The following LDB3 variants were observed in gnomAD, a reference collection of about 807,000 sequenced individuals.
The protein encoded by LDB3 is LIM domain-binding protein 3.
Under a neutral mutation model 69.0 loss-of-function variants are expected in LDB3, and 49 were observed. The observed-to-expected ratio is 0.71, with a 90% CI of 0.56 to 0.90. The LOEUF is 0.90. Ranked by LOEUF, LDB3 falls within the 40% of genes least tolerant of loss-of-function variation. LDB3 has a pLI of 0.00. For synonymous variants in LDB3, 387 were observed against 396.2 expected, an observed-to-expected ratio of 0.98 and a Z score of 0.28; for missense variants, 928 against 974.1, an observed-to-expected ratio of 0.95 and a Z score of 0.63.
At chr10:86,714,919 A>C (rs548017879) in intron 9 of LDB3, among the ~76,000 whole-genome samples, 1 of 152,130 alleles carries the variant, frequency 6.6e-6, no homozygotes, top group South Asian at 2.1e-4. Context: ...GGAGGGTTTT[A>C]TCTCTTCTTC....
At chr10:86,679,987 C>A in intron 3 of LDB3, 95 bp from the exon 4 acceptor site, 1 of 1,075,112 alleles carries the variant, frequency 9.3e-7, no homozygotes, top group Non-Finnish European at 1.4e-6. Context: ...CTGACTCTGG[C>A]TCTCTCTTGC....
intron 9 of LDB3, among the ~76,000 whole-genome samples, chr10:86,714,993 A>G (rs1846810540): frequency 6.6e-6 from 1 of 152,176 alleles, no homozygotes; most frequent in South Asian, 2.1e-4. Flanking sequence ...AGGGATTTCC[A>G]GCTCACCCAG....
In LDB3 at chr10:86,682,012, C is replaced by T. The variant is rs918449018; in HGVS notation, c.689+209C>T. On this transcript the variant is annotated intron_variant, in intron 5 of 13. Coordinates refer to ENST00000361373, the MANE Select transcript of LDB3 (RefSeq NM_007078.3). Reference sequence around the variant, plus strand: ...AACCAACCACGCTGGGGTGACATGTCGGATTTTGCAGAGGAGGAAACTGAG... The same window carrying T: ...AACCAACCACGCTGGGGTGACATGTTGGATTTTGCAGAGGAGGAAACTGAG... Among the ~76,000 whole-genome samples, 40 of 152,160 alleles carry T rather than the reference C, an allele frequency of 2.6e-4. 2 individuals carry two copies. Among genetic ancestry groups the T allele is most frequent in the Admixed American group, 1.9e-3 (29 of 15,286 alleles).
At position 86,699,804 on chromosome 10, in the gene LDB3, G is replaced by A; in HGVS notation, c.897-6727G>A. 1 of 1,038,394 alleles carries A rather than the reference G, an allele frequency of 9.6e-7. No individual in the cohort carries two copies. The highest frequency in any genetic ancestry group is 1.2e-6 in the Non-Finnish European group (1 of 861,712). 64.3% of individuals were successfully genotyped at this position (1,038,394 alleles called of 1,614,324 possible). A position where few individuals can be genotyped will look rare whatever the true frequency, so the allele number is the denominator to read the frequency against. On this transcript the variant is annotated intron_variant, in intron 7 of 13. Transcript: ENST00000361373. This position sits in a 1 kb window ranked among gnomAD's most constrained non-coding sequence, Gnocchi z 4.9. ...GAGTCACCCGTAGATCAGGGTCTGGGGAAGAGGCTGATCCCTGGCGCTGCC... is the reference window on the plus strand; with the variant it reads ...GAGTCACCCGTAGATCAGGGTCTGGAGAAGAGGCTGATCCCTGGCGCTGCC...
rs1847420434 is a variant in LDB3, at chr10:86,730,572, G to C, written c.2095-2315G>C. 2.0e-5 allele frequency among the ~76,000 whole-genome samples: 3 copies of C among 152,218 alleles called. 1 individual carries two copies. The highest frequency in any genetic ancestry group is 4.1e-4 in the South Asian group (2 of 4,832). Reference sequence around the variant, plus strand: ...ATGGGGTAGGGGAAAAATTAGCATAGAACTGGAGTCTTACAGACATGGACA... The same window carrying C: ...ATGGGGTAGGGGAAAAATTAGCATACAACTGGAGTCTTACAGACATGGACA... On this transcript the variant is annotated intron_variant, in intron 13 of 13. Transcript: ENST00000361373.
At chr10:86,716,244 C>A in intron 9 of LDB3, 83 bp from the exon 10 acceptor site, 1 of 1,516,572 alleles carries the variant, frequency 6.6e-7, no homozygotes. Flanking sequence ...TCACCTTTTG[C>A]ATTTCTCTGG....
In LDB3 at chr10:86,668,721, C is replaced by G. The variant is rs766817285; in HGVS notation, c.30C>G (p.Pro10=). The change falls in exon 2 of 14, where the codon CCC becomes CCG. Residue 10 remains proline (P), a synonymous_variant. Transcript: ENST00000361373. MSYSVTLTG[P]GPWGFRLQGG... is the part of the protein sequence containing the mutation. ...CTTACAGTGTGACCCTGACTGGGCC[C>G]GGGCCCTGGGGCTTCCGTCTGCAGG... The G allele has an allele frequency of 5.6e-6, 9 of 1,613,286 alleles. No homozygotes were observed. Among genetic ancestry groups the G allele is most frequent in the African/African-American group, 5.3e-5 (4 of 74,920 alleles).
chr10:86,695,684 A>C (rs1337289725), intron 7 of LDB3, among the ~76,000 whole-genome samples: 1 of 152,190 alleles, frequency 6.6e-6, no homozygotes, highest in Non-Finnish European at 1.5e-5. Context: ...CCATCCCACA[A>C]ACTGAGCCTC....
At chr10:86,669,928 AG>A (rs1191162034) in intron 2 of LDB3, among the ~76,000 whole-genome samples, 1 of 152,124 alleles carries the variant, frequency 6.6e-6, no homozygotes, top group Non-Finnish European at 1.5e-5. Flanking sequence ...AAGGGGTTGG[AG>A]GGGAAGCACT....
intron 13 of LDB3, among the ~76,000 whole-genome samples, chr10:86,729,187 C>T (rs1052687052): frequency 3.3e-5 from 5 of 152,102 alleles, no homozygotes; most frequent in East Asian, 1.9e-4. Flanking sequence ...TCTACCCTGA[C>T]GGAATCTAGA....
rs776138543 is a variant in LDB3 at position 86,716,393 on chromosome 10, C to T, written c.1298C>T (p.Pro433Leu). 6.4e-7 allele frequency: 1 copy of T among 1,551,090 alleles called. No homozygotes were observed. ...NYSPTPYTPS[P>L]APAYTPSPAP... ...AGTCCCACTCCCTACACCCCCTCCC[C>T]TGCCCCTGCCTACACCCCCTCCCCT... The change falls in exon 10 of 14, where the codon CCT becomes CTT. Residue 433 changes from proline (P) to leucine (L), a missense_variant. By Grantham distance (98) the Pro-to-Leu change is moderately conservative. Transcript: ENST00000361373.
In LDB3 at chr10:86,736,054, C is replaced by T. The variant is rs986156581; in HGVS notation, c.*3078C>T. Reference sequence around the variant, plus strand: ...ACTTTTTAGCAAAAATAAAGCCCCCCAAAGGATGTGCAAATACAGATTTTT... The same window carrying T: ...ACTTTTTAGCAAAAATAAAGCCCCCTAAAGGATGTGCAAATACAGATTTTT... On this transcript the variant is annotated 3_prime_UTR_variant, in exon 14 of 14. Transcript: ENST00000361373. 38 of 152,034 alleles carry T rather than the reference C, an allele frequency of 2.5e-4. 1 individual carries two copies. Among genetic ancestry groups the T allele is most frequent in the African/African-American group, 1.9e-4 (8 of 41,472 alleles). 9.4% of individuals were successfully genotyped at this position (152,034 alleles called of 1,614,324 possible). A position where few individuals can be genotyped will look rare whatever the true frequency, so the allele number is the denominator to read the frequency against.
At chr10:86,670,349 G>A (rs117067764) in intron 2 of LDB3, among the ~76,000 whole-genome samples, 12 of 152,214 alleles carry the variant, frequency 7.9e-5, no homozygotes, top group East Asian at 7.7e-4. Context: ...CTTTCCCACA[G>A]CTCCCCACCC....
chr10:86,671,693 C>A (rs1844486808), intron 2 of LDB3, among the ~76,000 whole-genome samples: 1 of 152,216 alleles, frequency 6.6e-6, no homozygotes, highest in Non-Finnish European at 1.5e-5. Flanking sequence ...GGGGTCTCAC[C>A]TCTTCATGCC....
Position 86,681,765 on chromosome 10 carries a change from C to A in LDB3, c.651C>A (p.Ser217Arg). 1 of 1,600,794 alleles carries A rather than the reference C, an allele frequency of 6.2e-7. No individual in the cohort carries two copies. The highest frequency in any genetic ancestry group is 8.5e-7 in the Non-Finnish European group (1 of 1,172,986). The change falls in exon 5 of 14, where the codon AGC becomes AGA. Residue 217 changes from serine (S) to arginine (R), a missense_variant. Coordinates refer to ENST00000361373, the MANE Select transcript of LDB3 (RefSeq NM_007078.3). Reference sequence around the variant, plus strand: ...AGATGGCTCAGATGTACCAGATGAGCCTCCGAGGGAAGGCCTCGGGTGTCG... The same window carrying A: ...AGATGGCTCAGATGTACCAGATGAGACTCCGAGGGAAGGCCTCGGGTGTCG... ...LREMAQMYQM[S>R]LRGKASGVGL...
chr10:86,725,221 G>GGGCC (rs1847215801), intron 12 of LDB3, among the ~76,000 whole-genome samples: 1 of 152,202 alleles, frequency 6.6e-6, no homozygotes, highest in South Asian at 2.1e-4. Flanking sequence ...TAGCCCCTTT[G>GGGCC]GGCCTAGAGA....
At position 86,719,292 on chromosome 10, in the gene LDB3, T is replaced by C. The variant is rs1327664684; in HGVS notation, c.1978+445T>C. On this transcript the variant is annotated intron_variant, in intron 12 of 13. Coordinates refer to ENST00000361373, the MANE Select transcript of LDB3 (RefSeq NM_007078.3). Reference sequence around the variant, plus strand: ...CTGTAGTCTCAGCTACGCAGGAGGCTGAAGTGGGAGGGTCGCTTGAGTCCA... The same window carrying C: ...CTGTAGTCTCAGCTACGCAGGAGGCCGAAGTGGGAGGGTCGCTTGAGTCCA... Among the ~76,000 whole-genome samples the C allele has an allele frequency of 5.3e-5, 8 of 151,820 alleles. No individual in the cohort carries two copies. In the East Asian group the frequency reaches 1.5e-3, roughly 29 times the overall value.
At chr10:86,690,267 C>G (rs1311417118) in intron 5 of LDB3, among the ~76,000 whole-genome samples, 1 of 152,176 alleles carries the variant, frequency 6.6e-6, no homozygotes, top group Non-Finnish European at 1.5e-5. Flanking sequence ...GAGCCAGGAC[C>G]AGGGAGACCT....
intron 13 of LDB3, 85 bp downstream of exon 13, chr10:86,726,337 T>C (rs1040182550): frequency 7.1e-6 from 7 of 979,404 alleles, no homozygotes; most frequent in Non-Finnish European, 9.7e-6. Flanking sequence ...TCTACATACC[T>C]TGCCACGCTA....
Sources: gnomAD v4.1 joint callset for allele counts (sites outside exome capture counted in the v4.1 genomes callset) on GRCh38, gnomAD v4.1.1 for gene constraint, Gnocchi (gnomAD v3.1) non-coding constraint, MANE v1.5 for transcripts, NCBI Gene and HGNC (gene_info 2026-07-23, HGNC 2026-07-21) for gene names.